Variants in ATP13A4 observed in about 807,000 individuals in gnomAD.
The protein encoded by ATP13A4 is probable cation-transporting ATPase 13A4.
ATP13A4 carries 114 observed loss-of-function variants against 142.5 expected under a neutral mutation model. The observed-to-expected ratio is 0.80, with a 90% CI of 0.69 to 0.93. The LOEUF is 0.93. ATP13A4 is among the 40% of genes least tolerant of loss of function. ATP13A4 has a pLI of 0.00. For missense variants in ATP13A4, 1,392 were observed against 1,454.0 expected (o/e 0.96, Z 0.69); for synonymous variants, 488 against 514.8 (o/e 0.95, Z 0.70).
intron 1 of ATP13A4, among the ~76,000 whole-genome samples, chr3:193,590,400 T>C (rs1724740456): frequency 6.6e-6 from 1 of 152,196 alleles, no homozygotes; most frequent in South Asian, 2.1e-4. Context: ...CAGTCTTAGA[T>C]TCTATAGTAA....
intron 2 of ATP13A4, among the ~76,000 whole-genome samples, chr3:193,560,127 C>T (rs1723983693): frequency 6.6e-6 from 1 of 152,002 alleles, no homozygotes; most frequent in Admixed American, 6.6e-5. Flanking sequence ...GACTGTGTAA[C>T]GATTTGTCCA....
At chr3:193,424,329 A>T (rs1204252673) in intron 25 of ATP13A4, among the ~76,000 whole-genome samples, 1 of 148,924 alleles carries the variant, frequency 6.7e-6, no homozygotes, top group Non-Finnish European at 1.5e-5. Context: ...TAGAAAAAAA[A>T]ATCCTAAAAT....
intron 2 of ATP13A4, among the ~76,000 whole-genome samples, chr3:193,503,509 A>G (rs947363417): frequency 6.6e-6 from 1 of 152,224 alleles, no homozygotes; most frequent in South Asian, 2.1e-4. Flanking sequence ...TTCAAGAAGT[A>G]TAACAGAAAA....
intron 16 of ATP13A4, among the ~76,000 whole-genome samples, chr3:193,454,858 C>T (rs1717494203): frequency 6.6e-6 from 1 of 152,104 alleles, no homozygotes. Context: ...CAAAAATTGA[C>T]AAATGGGATC....
intron 27 of ATP13A4, 48 bp downstream of exon 27, chr3:193,412,130 C>A (rs761778563): frequency 6.6e-7 from 1 of 1,508,456 alleles, no homozygotes; most frequent in Non-Finnish European, 9.2e-7. Context: ...CATGTCTGTT[C>A]CCCTCTCTGA....
intron 7 of ATP13A4, among the ~76,000 whole-genome samples, chr3:193,484,776 C>A (rs1719506951): frequency 6.6e-6 from 1 of 151,924 alleles, no homozygotes; most frequent in African/African-American, 2.4e-5. Context: ...ATAGAATGAA[C>A]AAAAGAGATA....
intron 5 of ATP13A4, 82 bp downstream of exon 5, chr3:193,492,835 A>T: frequency 9.9e-7 from 1 of 1,011,898 alleles, no homozygotes; most frequent in Non-Finnish European, 1.6e-6. Context: ...TTAATCCATT[A>T]AGATAACTAT....
intron 1 of ATP13A4, among the ~76,000 whole-genome samples, chr3:193,517,592 T>C (rs1262858609): frequency 2.6e-5 from 4 of 152,222 alleles, no homozygotes; most frequent in Admixed American, 6.5e-5. Flanking sequence ...GCCATTCTCC[T>C]GCCTCAGCCT....
chr3:193,446,315 T>C (rs1415216499), intron 18 of ATP13A4, among the ~76,000 whole-genome samples: 1 of 152,208 alleles, frequency 6.6e-6, no homozygotes, highest in Non-Finnish European at 1.5e-5. Context: ...AAATCTTTTC[T>C]GGTAGGAAGA....
At chr3:193,515,365 G>A (rs1387519218) in intron 1 of ATP13A4, among the ~76,000 whole-genome samples, 1 of 152,160 alleles carries the variant, frequency 6.6e-6, no homozygotes, top group East Asian at 1.9e-4. Flanking sequence ...GATTCCCTTG[G>A]CTGGGATCAG....
chr3:193,444,747 A>G (rs750477180), intron 18 of ATP13A4, among the ~76,000 whole-genome samples: 42 of 152,258 alleles, frequency 2.8e-4, no homozygotes, highest in Non-Finnish European at 5.7e-4. Flanking sequence ...CAACCATTAA[A>G]AATTAATCAT....
At position 193,400,412 on chromosome 3, in the gene ATP13A4, T is replaced by TTTTTG. The variant is rs879335447; in HGVS notation, c.*2235_*2239dup. Among the ~76,000 whole-genome samples the TTTTTG allele has an allele frequency of 3.5e-4, 54 of 152,176 alleles. No homozygotes were observed. The highest frequency in any genetic ancestry group is 3.2e-3 in the Middle Eastern group (1 of 316). On this transcript the variant is annotated 3_prime_UTR_variant, in exon 30 of 30. Coordinates refer to ENST00000342695, the MANE Select transcript of ATP13A4 (RefSeq NM_032279.4). ...AGTCTCAGAAAGACAGACAATCATT[T>TTTTTG]TTTTGTTTTGTTTTGTTTTGTTTTT...
Position 193,402,062 on chromosome 3 carries a change from G to A in ATP13A4, c.*590C>T, listed in dbSNP as rs1389730571. ...CCTGGATCACGAAAGAAGCACTTGTGTGTTAAGGCACTGATATCTGAGAGT... is the reference window on the plus strand; with the variant it reads ...CCTGGATCACGAAAGAAGCACTTGTATGTTAAGGCACTGATATCTGAGAGT... On this transcript the variant is annotated 3_prime_UTR_variant, in exon 30 of 30. Coordinates refer to ENST00000342695, the MANE Select transcript of ATP13A4 (RefSeq NM_032279.4). 1.3e-5 allele frequency: 2 copies of A among 153,620 alleles called. No homozygotes were observed. The highest frequency in any genetic ancestry group is 4.8e-5 in the African/African-American group (2 of 41,470). 9.5% of individuals were successfully genotyped at this position (153,620 alleles called of 1,614,324 possible).
intron 8 of ATP13A4, among the ~76,000 whole-genome samples, chr3:193,477,032 G>A (rs1460870755): frequency 6.6e-6 from 1 of 152,030 alleles, no homozygotes; most frequent in African/African-American, 2.4e-5. Flanking sequence ...CTTGCTCAAT[G>A]TAGGACTGTC....
chr3:193,591,661 C>A (rs1306372682), intron 1 of ATP13A4, among the ~76,000 whole-genome samples: 1 of 152,154 alleles, frequency 6.6e-6, no homozygotes, highest in Non-Finnish European at 1.5e-5. Flanking sequence ...GGGAATGATT[C>A]CACAGGATAA....
chr3:193,418,713 T>C (rs1384090647), intron 25 of ATP13A4, among the ~76,000 whole-genome samples: 3 of 149,832 alleles, frequency 2.0e-5, no homozygotes, highest in African/African-American at 2.5e-5. Context: ...TTGCCTGAAG[T>C]CCACACAGCT....
chr3:193,439,103 C>A (rs773155601), intron 21 of ATP13A4, 38 bp from the exon 22 acceptor site: 10 of 1,545,838 alleles, frequency 6.5e-6, no homozygotes, highest in Non-Finnish European at 7.2e-6. Context: ...TGAGATCAAA[C>A]CTATCTTGCT....
chr3:193,453,094 A>G (rs1168604564), intron 17 of ATP13A4, among the ~76,000 whole-genome samples: 1 of 152,194 alleles, frequency 6.6e-6, no homozygotes, highest in African/African-American at 2.4e-5. Flanking sequence ...ATTATTCTAT[A>G]CACAGGTACA....
chr3:193,536,976 A>G (rs996306474), intron 1 of ATP13A4, among the ~76,000 whole-genome samples: 7 of 152,094 alleles, frequency 4.6e-5, no homozygotes, highest in Non-Finnish European at 1.0e-4. Flanking sequence ...GCAAACAGAG[A>G]GAGACACCAT....
Sources: gnomAD v4.1 joint callset for allele counts (sites outside exome capture counted in the v4.1 genomes callset) on GRCh38, gnomAD v4.1.1 for gene constraint, MANE v1.5 for transcripts, NCBI Gene and HGNC (gene_info 2026-07-23, HGNC 2026-07-21) for gene names.